ENTREP2: variants seen among roughly 807,000 people sequenced by gnomAD.
ENTREP2 encodes endosomal transmembrane epsin interactor 2.
chr15:29,159,316 G>A, the ENTREP2 span, among the ~76,000 whole-genome samples: 15 of 152,294 alleles, frequency 9.8e-5, no homozygotes, highest in African/African-American at 2.2e-4. Flanking sequence ...CTGGCTCCAG[G>A]AGTGAAGCTG....
At chr15:29,602,564 G>A in the ENTREP2 span, among the ~76,000 whole-genome samples, 1 of 151,986 alleles carries the variant, frequency 6.6e-6, no homozygotes, top group Non-Finnish European at 1.5e-5. Flanking sequence ...TTGAGATGGA[G>A]TCTTGCTTTG....
At chr15:29,160,564 C>A in the ENTREP2 span, among the ~76,000 whole-genome samples, 1 of 151,948 alleles carries the variant, frequency 6.6e-6, no homozygotes, top group African/African-American at 2.4e-5. Flanking sequence ...CAAAAATTAG[C>A]CAGGCGTGGT....
the ENTREP2 span, among the ~76,000 whole-genome samples, chr15:29,672,469 A>T: frequency 6.7e-6 from 1 of 149,880 alleles, no homozygotes; most frequent in Non-Finnish European, 1.5e-5. Flanking sequence ...TGCATTCTCT[A>T]TTTTTTTTTT....
At chr15:29,149,481 G>C in the ENTREP2 span, among the ~76,000 whole-genome samples, 4 of 152,244 alleles carry the variant, frequency 2.6e-5, no homozygotes, top group Non-Finnish European at 5.9e-5. Flanking sequence ...TACTGGTAGG[G>C]AATGGTTCGC....
At chr15:29,435,851 G>A in the ENTREP2 span, among the ~76,000 whole-genome samples, 1 of 152,042 alleles carries the variant, frequency 6.6e-6, no homozygotes, top group Non-Finnish European at 1.5e-5. Flanking sequence ...TTTTAGTGCT[G>A]GAAGATGGAA....
chr15:29,544,669 T>C, the ENTREP2 span, among the ~76,000 whole-genome samples: 14 of 152,040 alleles, frequency 9.2e-5, no homozygotes, highest in African/African-American at 3.1e-4. Context: ...AACAAAGAGA[T>C]CTTTTACTAC....
At chr15:29,539,660 G>C in the ENTREP2 span, among the ~76,000 whole-genome samples, 1 of 152,052 alleles carries the variant, frequency 6.6e-6, no homozygotes, top group Non-Finnish European at 1.5e-5. Flanking sequence ...CTTGTTCTGG[G>C]TTTTGACTTC....
chr15:29,135,160 G>GC, the ENTREP2 span, among the ~76,000 whole-genome samples: 1 of 142,530 alleles, frequency 7.0e-6, no homozygotes, highest in East Asian at 2.0e-4. The surrounding 1 kb of genome is among the most constrained non-coding windows in gnomAD (Gnocchi z 7.4). Context: ...CCCTGCCCAC[G>GC]CCCTCTGCTC....
the ENTREP2 span, among the ~76,000 whole-genome samples, chr15:29,656,625 G>A: frequency 2.0e-5 from 3 of 152,182 alleles, no homozygotes; most frequent in Admixed American, 1.3e-4. Context: ...TTATTTGCCA[G>A]GGAAGTGCAA....
chr15:29,422,471 T>G, the ENTREP2 span, among the ~76,000 whole-genome samples: 1 of 152,064 alleles, frequency 6.6e-6, no homozygotes, highest in African/African-American at 2.4e-5. Flanking sequence ...TGGACTTGAA[T>G]AAAGAGAACG....
At chr15:29,557,214 C>A in the ENTREP2 span, among the ~76,000 whole-genome samples, 3 of 152,196 alleles carry the variant, frequency 2.0e-5, no homozygotes, top group Non-Finnish European at 4.4e-5. Flanking sequence ...GGCTCCCCTC[C>A]CTGCCTGATG....
At chr15:29,370,039 T>C in the ENTREP2 span, among the ~76,000 whole-genome samples, 2 of 152,310 alleles carry the variant, frequency 1.3e-5, no homozygotes, top group Admixed American at 6.5e-5. Context: ...AATAAACCTA[T>C]TTTTTTAAAT....
At chr15:29,664,442 C>G in the ENTREP2 span, among the ~76,000 whole-genome samples, 5 of 149,432 alleles carry the variant, frequency 3.3e-5, no homozygotes, top group Admixed American at 3.3e-4. Context: ...TTATTTTTCT[C>G]TCTCTCTTTT....
the ENTREP2 span, among the ~76,000 whole-genome samples, chr15:29,453,525 T>C: frequency 1.3e-5 from 2 of 152,208 alleles, no homozygotes; most frequent in African/African-American, 4.8e-5. Flanking sequence ...ATACAGAGCA[T>C]AGACACCCCC....
the ENTREP2 span, among the ~76,000 whole-genome samples, chr15:29,325,787 T>C: frequency 6.6e-6 from 1 of 152,054 alleles, no homozygotes; most frequent in African/African-American, 2.4e-5. Flanking sequence ...ACCAGATACA[T>C]AGAGCATAAA....
At chr15:29,479,741 T>C in the ENTREP2 span, among the ~76,000 whole-genome samples, 2 of 151,848 alleles carry the variant, frequency 1.3e-5, no homozygotes, top group Non-Finnish European at 2.9e-5. Context: ...GTTCTATCCC[T>C]CTAGCCACAG....
the ENTREP2 span, among the ~76,000 whole-genome samples, chr15:29,175,784 T>C: frequency 6.6e-6 from 1 of 152,222 alleles, no homozygotes; most frequent in African/African-American, 2.4e-5. Context: ...TCTTTTGTAT[T>C]TTTAGTAGAG....
At chr15:29,462,529 G>A in the ENTREP2 span, among the ~76,000 whole-genome samples, 3 of 152,134 alleles carry the variant, frequency 2.0e-5, no homozygotes, top group African/African-American at 7.2e-5. Context: ...AGAATCACTT[G>A]AACCCAGGAG....
At chr15:29,421,936 T>C in the ENTREP2 span, among the ~76,000 whole-genome samples, 1 of 152,162 alleles carries the variant, frequency 6.6e-6, no homozygotes, top group South Asian at 2.1e-4. Flanking sequence ...TGCCAGATGC[T>C]AAAGACAGCA....
Sources: gnomAD v4.1 joint callset for allele counts (sites outside exome capture counted in the v4.1 genomes callset) on GRCh38, gnomAD v4.1.1 for gene constraint, Gnocchi (gnomAD v3.1) non-coding constraint, MANE v1.5 for transcripts, NCBI Gene and HGNC (gene_info 2026-07-23, HGNC 2026-07-21) for gene names.